The following HDGF variants were observed in gnomAD, a reference collection of about 807,000 sequenced individuals.
HDGF encodes the protein heparin binding growth factor, also known as hepatoma-derived growth factor.
HDGF carries 5 observed loss-of-function variants against 30.0 expected under a neutral mutation model. That is an observed-to-expected ratio of 0.17 (90% CI 0.09 to 0.35). HDGF has a LOEUF of 0.35. Ranked by LOEUF, HDGF falls within the 10% of genes least tolerant of loss-of-function variation. The probability of loss-of-function intolerance (pLI) is 1.00; values close to 1 mark genes in which losing one functional copy is unlikely to be tolerated. For missense variants in HDGF, 214 were observed against 302.8 expected (o/e 0.71, Z 2.18); for synonymous variants, 133 against 112.7 (o/e 1.18, Z -1.14).
upstream of HDGF, chr1:156,752,341 A>C (rs1651035692): frequency 6.4e-7 from 1 of 1,551,558 alleles, no homozygotes; most frequent in African/African-American, 1.4e-5. Flanking sequence ...TTGAGGCACA[A>C]ATTGGCCACC....
At chr1:156,758,019 T>A (rs946374719) in intron 2 of HDGF, among the ~76,000 whole-genome samples, 21 of 151,870 alleles carry the variant, frequency 1.4e-4, no homozygotes, top group African/African-American at 4.8e-4. Context: ...AAGATATGGC[T>A]GGGTGCGGTG....
At chr1:156,752,555 G>A (rs549659123), upstream of HDGF, 1 of 605,940 alleles carries the variant, frequency 1.7e-6, no homozygotes, top group African/African-American at 1.9e-5. Context: ...GGTCTGGGAA[G>A]GCTTCACAAA....
chr1:156,764,542 G>A lies in HDGF; in HGVS notation n.136+2248C>T, dbSNP rs572679380. On this transcript the variant is annotated intron_variant and non_coding_transcript_variant, in intron 1 of 7. Transcript: ENST00000465180. Reference sequence around the variant, plus strand: ...ACAGGTATAAAAGGGTACATAATGAGAAATAAATCCCCTTTCCTTCACTTT... The same window carrying A: ...ACAGGTATAAAAGGGTACATAATGAAAAATAAATCCCCTTTCCTTCACTTT... Among the ~76,000 whole-genome samples, 7 of 152,292 alleles carry A rather than the reference G, an allele frequency of 4.6e-5. No individual in the cohort carries two copies. In the South Asian group the frequency reaches 1.5e-3, roughly 32 times the overall value.
intron 1 of HDGF, among the ~76,000 whole-genome samples, chr1:156,764,502 C>T (rs1651316899): frequency 6.6e-6 from 1 of 152,132 alleles, no homozygotes; most frequent in Non-Finnish European, 1.5e-5. Context: ...TGGCCTTGCC[C>T]AGTTACAAAT....
chr1:156,752,085 C>T (rs867680414), upstream of HDGF: 3 of 1,551,574 alleles, frequency 1.9e-6, no homozygotes, highest in Non-Finnish European at 2.6e-6. Flanking sequence ...ACACGGTTTC[C>T]GCCTGCCCTC....
In HDGF at chr1:156,751,452, G is replaced by T. The variant is rs753774057; in HGVS notation, c.-23C>A. ...CATGGCGGGGCTCCGGGCGCCCCGG[G>T]CTCCGCGCCGGGCCGGGAAGCGCGA... On this transcript the variant is annotated 5_prime_UTR_variant, in exon 1 of 6. Transcript: ENST00000357325. The surrounding 1 kb of genome is among the most constrained non-coding windows in gnomAD (Gnocchi z 4.7). The T allele has an allele frequency of 6.6e-7, 1 of 1,526,150 alleles. No homozygotes were observed. The highest frequency in any genetic ancestry group is 8.8e-7 in the Non-Finnish European group (1 of 1,132,752). 94.5% of individuals were successfully genotyped at this position (1,526,150 alleles called of 1,614,324 possible). A position where few individuals can be genotyped will look rare whatever the true frequency, so the allele number is the denominator to read the frequency against.
At chr1:156,753,053 A>G (rs1651068352), upstream of HDGF, among the ~76,000 whole-genome samples, 1 of 152,248 alleles carries the variant, frequency 6.6e-6, no homozygotes, top group East Asian at 1.9e-4. Context: ...ATGGGATAAC[A>G]TGACTGCCCT....
upstream of HDGF, among the ~76,000 whole-genome samples, chr1:156,754,495 C>T (rs1463248448): frequency 6.6e-6 from 1 of 152,206 alleles, no homozygotes; most frequent in East Asian, 1.9e-4. Context: ...CGTCATCAAC[C>T]AACTCGCAGC....
chr1:156,755,299 G>A (rs974943600), upstream of HDGF, among the ~76,000 whole-genome samples: 2 of 152,158 alleles, frequency 1.3e-5, no homozygotes, highest in African/African-American at 4.8e-5. Flanking sequence ...AGGCAAAATG[G>A]TGGCAAACTT....
chr1:156,760,570 C>T (rs1651232913), intron 1 of HDGF, among the ~76,000 whole-genome samples: 1 of 152,178 alleles, frequency 6.6e-6, no homozygotes, highest in African/African-American at 2.4e-5. Context: ...CATTTATTCA[C>T]TCTCACATAT....
chr1:156,752,480 A>G (rs1558037769), upstream of HDGF: 1 of 887,450 alleles, frequency 1.1e-6, no homozygotes, highest in Non-Finnish European at 1.8e-6. Flanking sequence ...AATAAACCCA[A>G]CCCCTTCAGT....
chr1:156,751,612 C>G lies in HDGF; in HGVS notation c.-183G>C, dbSNP rs1054759229. 4.4e-5 allele frequency: 43 copies of G among 984,468 alleles called. No homozygotes were observed. The African/African-American group carries it at 6.1e-4, about 14-fold the overall frequency. The allele number at this position is 984,468 out of a possible 1,614,324, so 61.0% of individuals were successfully genotyped here. On this transcript the variant is annotated 5_prime_UTR_variant, in exon 1 of 6. Transcript: ENST00000357325. This position sits in a 1 kb window ranked among gnomAD's most constrained non-coding sequence, Gnocchi z 4.7. Reference sequence around the variant, plus strand: ...CCGCCCGCGCGCCGCACGGACGGGGCGGGCGCGGATCGGGGCAAGGCTCCG... The same window carrying G: ...CCGCCCGCGCGCCGCACGGACGGGGGGGGCGCGGATCGGGGCAAGGCTCCG...
At chr1:156,764,008 C>T (rs1041907112) in intron 1 of HDGF, among the ~76,000 whole-genome samples, 6 of 151,934 alleles carry the variant, frequency 3.9e-5, no homozygotes, top group Non-Finnish European at 8.8e-5. Context: ...AGCGATCCTC[C>T]TCTTTCAGCC....
intron 1 of HDGF, among the ~76,000 whole-genome samples, chr1:156,765,841 G>A (rs1651358562): frequency 6.6e-6 from 1 of 152,146 alleles, no homozygotes; most frequent in Admixed American, 6.6e-5. Context: ...AGTCACCAGA[G>A]AGTACGTTGG....
upstream of HDGF, among the ~76,000 whole-genome samples, chr1:156,756,938 G>A (rs888149417): frequency 4.6e-5 from 7 of 151,424 alleles, no homozygotes; most frequent in African/African-American, 1.7e-4. Context: ...GATTACAGTT[G>A]TACGCCACCA....
chr1:156,743,923 G>A (rs1216174114), intron 4 of HDGF, 45 bp from the exon 5 acceptor site: 2 of 1,433,928 alleles, frequency 1.4e-6, no homozygotes, highest in Non-Finnish European at 9.8e-7. Context: ...TGGAGAGGGA[G>A]GCCACCAGCC....
intron 5 of HDGF, 56 bp downstream of exon 5, chr1:156,743,596 C>T (rs1200630366): frequency 1.5e-5 from 23 of 1,555,586 alleles, no homozygotes; most frequent in African/African-American, 9.5e-5. Flanking sequence ...TCCTCTTCTC[C>T]GAGAGTGGCC....
intron 1 of HDGF, among the ~76,000 whole-genome samples, chr1:156,766,252 G>T (rs1305980277): frequency 1.3e-5 from 2 of 152,152 alleles, no homozygotes; most frequent in East Asian, 3.9e-4. Flanking sequence ...CTGCATTGTG[G>T]TCATCATTGT....
intron 1 of HDGF, among the ~76,000 whole-genome samples, chr1:156,750,887 A>AGAC (rs1468055348): frequency 2.0e-5 from 3 of 151,700 alleles, no homozygotes; most frequent in Non-Finnish European, 4.4e-5. Flanking sequence ...CACGAAGAGA[A>AGAC]GAGTTTGAAT....
Sources: allele counts gnomAD v4.1 joint callset (sites outside exome capture counted in the v4.1 genomes callset), GRCh38; gene constraint gnomAD v4.1.1; non-coding constraint Gnocchi (gnomAD v3.1); transcripts MANE v1.5; gene names NCBI Gene and HGNC (gene_info 2026-07-23, HGNC 2026-07-21).